CPS1: variants seen among roughly 807,000 people sequenced by gnomAD.
The protein encoded by CPS1 is carbamoyl-phosphate synthase 1.
In CPS1, 109 loss-of-function variants were observed where a neutral mutation model predicts 174.6. The ratio of observed to expected loss-of-function variants is 0.62; its 90% CI spans 0.53 to 0.73. CPS1 has a LOEUF of 0.73. Ranked by LOEUF, CPS1 falls within the 30% of genes least tolerant of loss-of-function variation. The pLI, the probability that CPS1 is intolerant of heterozygous loss-of-function variation, is 0.00. For synonymous variants in CPS1, 637 were observed against 632.0 expected (o/e 1.01, Z -0.12); for missense variants, 1,689 against 1,821.9 (o/e 0.93, Z 1.33).
chr2:210,557,034 A>G (rs915374274), intron 1 of CPS1, among the ~76,000 whole-genome samples, 175 bp downstream of exon 1: 2 of 152,114 alleles, frequency 1.3e-5, no homozygotes, highest in Non-Finnish European at 2.9e-5. Context: ...TTTTTATCTT[A>G]TCTGAGTAAC....
intron 1 of CPS1, among the ~76,000 whole-genome samples, chr2:210,512,736 T>TTATA (rs71043996): frequency 3.2e-3 from 148 of 46,678 alleles, no homozygotes; most frequent in South Asian, 4.6e-3. Flanking sequence ...TCCAGTAGTT[T>TTATA]TATATATATA....
chr2:210,645,632 A>T (rs2105905175), intron 25 of CPS1, among the ~76,000 whole-genome samples: 1 of 152,282 alleles, frequency 6.6e-6, no homozygotes, highest in Non-Finnish European at 1.5e-5. Context: ...AAATAAAAAA[A>T]ATTAGCTGGG....
intron 1 of CPS1, among the ~76,000 whole-genome samples, chr2:210,511,390 G>C (rs954674615): frequency 2.0e-5 from 3 of 152,050 alleles, no homozygotes; most frequent in African/African-American, 7.3e-5. Context: ...TGTGGGGTGG[G>C]GGTAGCGGGT....
chr2:210,610,365 G>A (rs1267338034), intron 19 of CPS1, among the ~76,000 whole-genome samples: 1 of 151,856 alleles, frequency 6.6e-6, no homozygotes, highest in Non-Finnish European at 1.5e-5. Context: ...CAAAAAGTGA[G>A]CAAACATTTC....
At chr2:210,600,430 T>C in intron 14 of CPS1, 125 bp from the exon 15 acceptor site, 2 of 891,750 alleles carry the variant, frequency 2.2e-6, no homozygotes, top group Non-Finnish European at 3.5e-6. Flanking sequence ...CTAAGTGCAA[T>C]TCTATTGTAG....
intron 19 of CPS1, among the ~76,000 whole-genome samples, chr2:210,608,893 T>C (rs1301138660): frequency 3.3e-5 from 5 of 151,890 alleles, no homozygotes; most frequent in Admixed American, 3.3e-4. Flanking sequence ...ATATATTTTA[T>C]AACCAAATCA....
rs746055658 is a variant in CPS1 at position 210,611,659 on chromosome 2, C to T, written c.2392-458C>T. 2.2e-4 allele frequency among the ~76,000 whole-genome samples: 33 copies of T among 151,904 alleles called. 1 individual carries two copies. Among genetic ancestry groups the T allele is most frequent in the Non-Finnish European group, 3.7e-4 (25 of 67,898 alleles). On this transcript the variant is annotated intron_variant, in intron 19 of 37. Transcript: ENST00000233072. The stretch of plus-strand genomic sequence containing the variant: ...ATGCTTAGCTGTAAGGAAAGCCAAC[C>T]TGTCTTGAATACTGACTGATACTCA...
At chr2:210,672,464 T>C (rs774407856) in intron 34 of CPS1, 4 of 152,134 alleles carry the variant, frequency 2.6e-5, no homozygotes, top group Non-Finnish European at 5.9e-5. Flanking sequence ...CATTTGGAAG[T>C]TCATTTTGGA....
chr2:210,642,626 GTT>G lies in CPS1; in HGVS notation c.3103_3104del (p.Leu1035ValfsTer52), dbSNP rs770217710. On this transcript the variant is annotated frameshift_variant, in exon 25 of 38. Coordinates refer to ENST00000233072, the MANE Select transcript of CPS1 (RefSeq NM_001875.5). LOFTEE classifies it high-confidence loss of function. ...AGTGTGACAAACTGTACTTTGAAGA[GTT>G]GTCCTTGGAGAGAATCCTAGACATC... ...DECDKLYFEE[L>X]SLERILDIYH... The G allele has an allele frequency of 6.2e-7, 1 of 1,614,054 alleles. No homozygotes were observed. Among genetic ancestry groups the G allele is most frequent in the Non-Finnish European group, 8.5e-7 (1 of 1,179,986 alleles).
Position 210,563,668 on chromosome 2 carries a change from A to G in CPS1, c.126+6809A>G, listed in dbSNP as rs529361162. ...CTGATGGGTTGTGAAACAATACATG[A>G]GCAATGAGTAGATGATTTTTAATAA... On this transcript the variant is annotated intron_variant, in intron 1 of 37. Coordinates refer to ENST00000233072, the MANE Select transcript of CPS1 (RefSeq NM_001875.5). Among the ~76,000 whole-genome samples, 8 of 152,366 alleles carry G rather than the reference A, an allele frequency of 5.3e-5. No individual in the cohort carries two copies. In the South Asian group the frequency reaches 1.7e-3, roughly 32 times the overall value.
intron 17 of CPS1, among the ~76,000 whole-genome samples, chr2:210,606,516 T>C (rs889394666): frequency 6.6e-6 from 1 of 151,866 alleles, no homozygotes; most frequent in Non-Finnish European, 1.5e-5. Context: ...ACTTACTAGA[T>C]AGATGAACTT....
At chr2:210,562,299 G>A (rs778461168) in intron 1 of CPS1, among the ~76,000 whole-genome samples, 2 of 152,108 alleles carry the variant, frequency 1.3e-5, no homozygotes, top group Non-Finnish European at 2.9e-5. Flanking sequence ...ACCAAAGACC[G>A]ATGACTTAAT....
chr2:210,551,105 C>A (rs1458634599), intron 1 of CPS1, among the ~76,000 whole-genome samples: 1 of 151,796 alleles, frequency 6.6e-6, no homozygotes, highest in African/African-American at 2.4e-5. Context: ...CCATATAAAT[C>A]AATCCTCTAC....
At chr2:210,518,626 G>A (rs1695742240) in intron 1 of CPS1, among the ~76,000 whole-genome samples, 1 of 151,948 alleles carries the variant, frequency 6.6e-6, no homozygotes, top group Admixed American at 6.6e-5. Context: ...AAAGGAACAG[G>A]GTCTCATTCT....
chr2:210,578,815 C>T (rs1486038801), intron 4 of CPS1, among the ~76,000 whole-genome samples: 1 of 152,080 alleles, frequency 6.6e-6, no homozygotes, highest in Non-Finnish European at 1.5e-5. Context: ...CACTTCTCTC[C>T]CCCCAGCCCC....
chr2:210,488,570 G>A lies in CPS1; in HGVS notation c.3+10804G>A, dbSNP rs1694786021. ...TCTATCTACTTTTGCTGCACCTGCT[G>A]TGATAGTGATTGTTTTGTGTATATA... On this transcript the variant is annotated intron_variant, in intron 1 of 38. Transcript: ENST00000430249. 1.3e-5 allele frequency among the ~76,000 whole-genome samples: 2 copies of A among 152,186 alleles called. 1 individual carries two copies. The highest frequency in any genetic ancestry group is 4.8e-5 in the African/African-American group (2 of 41,448).
At chr2:210,590,274 G>T (rs1698250170) in intron 8 of CPS1, 40 bp downstream of exon 8, 1 of 1,611,702 alleles carries the variant, frequency 6.2e-7, no homozygotes, top group Non-Finnish European at 8.5e-7. Flanking sequence ...TGTGTGGGAG[G>T]TGGGGGCTTC....
chr2:210,661,066 C>T (rs1219741639), intron 32 of CPS1, among the ~76,000 whole-genome samples: 3 of 152,114 alleles, frequency 2.0e-5, no homozygotes, highest in East Asian at 3.9e-4. Flanking sequence ...ACCACATTGA[C>T]CACCTTTGCT....
In CPS1 at chr2:210,638,916, A is replaced by G. The variant is rs756840401; in HGVS notation, c.2830-234A>G. Among the ~76,000 whole-genome samples the G allele has an allele frequency of 1.2e-3, 190 of 152,272 alleles. 3 individuals are homozygous for G. The highest frequency in any genetic ancestry group is 1.8e-3 in the Non-Finnish European group (120 of 68,024). Reference sequence around the variant, plus strand: ...CTTTGCGATGTTCATGAGAGTTACTATTACTACTAGTGATCCAATGCCCTG... The same window carrying G: ...CTTTGCGATGTTCATGAGAGTTACTGTTACTACTAGTGATCCAATGCCCTG... On this transcript the variant is annotated intron_variant, in intron 22 of 37. Transcript: ENST00000233072.
Sources: allele counts gnomAD v4.1 joint callset (sites outside exome capture counted in the v4.1 genomes callset), GRCh38; gene constraint gnomAD v4.1.1; transcripts MANE v1.5; gene names NCBI Gene and HGNC (gene_info 2026-07-23, HGNC 2026-07-21).